NYAP2: variants seen among roughly 807,000 people sequenced by gnomAD.
The protein encoded by NYAP2 is neuronal tyrosine-phosphorylated phosphoinositide-3-kinase adaptor 2, also known as neuronal tyrosine-phosphorylated phosphoinositide-3-kinase adapter 2.
In NYAP2, 23 loss-of-function variants were observed where a neutral mutation model predicts 50.4. The observed-to-expected ratio is 0.46, with a 90% CI of 0.33 to 0.65. The LOEUF (loss-of-function observed/expected upper bound fraction) is 0.65, where lower values mean the gene tolerates loss of function less well. Ranked by LOEUF, NYAP2 falls within the 30% of genes least tolerant of loss-of-function variation. NYAP2 has a pLI of 0.02. For synonymous variants in NYAP2, 394 were observed against 365.2 expected, an observed-to-expected ratio of 1.08 and a Z score of -0.90; for missense variants, 885 against 861.0, an observed-to-expected ratio of 1.03 and a Z score of -0.35.
At chr2:225,486,281 G>T in intron 3 of NYAP2, among the ~76,000 whole-genome samples, 1 of 152,202 alleles carries the variant, frequency 6.6e-6, no homozygotes, top group African/African-American at 2.4e-5. Flanking sequence ...GTAAAACCAA[G>T]AGGGTATTCA....
At chr2:225,511,662 T>G (rs1416458452) in intron 3 of NYAP2, among the ~76,000 whole-genome samples, 1 of 152,336 alleles carries the variant, frequency 6.6e-6, no homozygotes, top group Admixed American at 6.5e-5. Context: ...ATCAAGAATC[T>G]AATGTTCTTG....
chr2:225,589,967 C>T (rs900300924), intron 5 of NYAP2, among the ~76,000 whole-genome samples: 11 of 152,062 alleles, frequency 7.2e-5, no homozygotes, highest in African/African-American at 2.7e-4. Context: ...CTTGGAGCAA[C>T]CTGACCGGAG....
At chr2:225,594,449 G>A (rs1010945385) in intron 5 of NYAP2, among the ~76,000 whole-genome samples, 3 of 152,024 alleles carry the variant, frequency 2.0e-5, no homozygotes, top group East Asian at 1.9e-4. Context: ...ACTTAAACCC[G>A]GGGGCAGAGG....
intron 4 of NYAP2, among the ~76,000 whole-genome samples, chr2:225,553,214 C>T (rs527431845): frequency 6.6e-6 from 1 of 152,304 alleles, no homozygotes; most frequent in South Asian, 2.1e-4. Flanking sequence ...ACTAGAAGAA[C>T]CTGGAAACTG....
chr2:225,474,796 C>A (rs970578422), intron 3 of NYAP2, among the ~76,000 whole-genome samples: 1 of 152,194 alleles, frequency 6.6e-6, no homozygotes. Context: ...ATTGAATACC[C>A]TTTATTTCTT....
intron 3 of NYAP2, among the ~76,000 whole-genome samples, chr2:225,512,881 C>T (rs62188686): frequency 5.1e-5 from 7 of 136,410 alleles, no homozygotes; most frequent in East Asian, 2.1e-4. Flanking sequence ...TCCTTCCTTC[C>T]TTCCTTCCTT....
intron 3 of NYAP2, among the ~76,000 whole-genome samples, chr2:225,473,395 C>T (rs1306108822): frequency 6.6e-6 from 1 of 152,336 alleles, no homozygotes; most frequent in East Asian, 1.9e-4. Context: ...CTGTCTTCCA[C>T]AATGGTTGAA....
chr2:225,401,645 G>C (rs924744103), intron 2 of NYAP2, among the ~76,000 whole-genome samples: 2 of 151,986 alleles, frequency 1.3e-5, no homozygotes, highest in Non-Finnish European at 2.9e-5. Context: ...TAAAACTTTA[G>C]GTGGACTTGT....
At chr2:225,669,857 TTAAA>T in the NYAP2 span, among the ~76,000 whole-genome samples, 6 of 152,122 alleles carry the variant, frequency 3.9e-5, no homozygotes, top group Non-Finnish European at 7.3e-5. Context: ...GGCAAGAAGG[TTAAA>T]TAAATAGATA....
chr2:225,545,461 G>T (rs555602166), intron 4 of NYAP2, among the ~76,000 whole-genome samples: 1 of 151,862 alleles, frequency 6.6e-6, no homozygotes, highest in African/African-American at 2.4e-5. Context: ...GATCAATTCT[G>T]CTATTAAGTG....
intron 3 of NYAP2, among the ~76,000 whole-genome samples, chr2:225,441,028 T>A (rs1159369006): frequency 2.0e-5 from 3 of 152,168 alleles, no homozygotes; most frequent in Admixed American, 1.3e-4. Flanking sequence ...TACATTACCA[T>A]CTAACCATAA....
At chr2:225,601,102 G>A (rs948173724) in intron 5 of NYAP2, among the ~76,000 whole-genome samples, 70 of 151,342 alleles carry the variant, frequency 4.6e-4, no homozygotes, top group African/African-American at 1.7e-3. Flanking sequence ...TGAATCATGT[G>A]GGTAGTAATT....
intron 3 of NYAP2, among the ~76,000 whole-genome samples, chr2:225,450,838 T>C (rs1266829421): frequency 6.6e-6 from 1 of 152,208 alleles, no homozygotes; most frequent in Non-Finnish European, 1.5e-5. Flanking sequence ...AAAGTATGTC[T>C]TGCTTCACAG....
chr2:225,435,217 A>G (rs897521571), intron 3 of NYAP2, among the ~76,000 whole-genome samples: 10 of 152,216 alleles, frequency 6.6e-5, no homozygotes, highest in Non-Finnish European at 1.5e-4. Context: ...ATAAGCATAG[A>G]AAGTAAATTA....
intron 6 of NYAP2, among the ~76,000 whole-genome samples, chr2:225,635,526 CCT>C (rs1319474691): frequency 6.6e-5 from 10 of 152,128 alleles, no homozygotes; most frequent in African/African-American, 2.2e-4. Context: ...TGGAAAAATA[CCT>C]GTCTTTTTCT....
chr2:225,611,599 T>TA (rs201285163), intron 5 of NYAP2, among the ~76,000 whole-genome samples: 1,993 of 151,884 alleles, frequency 0.013, 62 homozygotes, highest in African/African-American at 0.046. Flanking sequence ...CTTCCCTCCT[T>TA]AAAAAAAATC....
chr2:225,510,798 TG>T (rs1690797766), intron 3 of NYAP2, among the ~76,000 whole-genome samples: 1 of 152,036 alleles, frequency 6.6e-6, no homozygotes, highest in African/African-American at 2.4e-5. Context: ...TGTGTGTGTG[TG>T]TGTGTGTAAA....
the NYAP2 span, among the ~76,000 whole-genome samples, chr2:225,666,395 G>C: frequency 6.6e-6 from 1 of 152,176 alleles, no homozygotes; most frequent in African/African-American, 2.4e-5. Flanking sequence ...ACAGCCCTCA[G>C]GGGTCCTGAG....
At chr2:225,650,729 A>G (rs139167405) in intron 6 of NYAP2, among the ~76,000 whole-genome samples, 3 of 152,318 alleles carry the variant, frequency 2.0e-5, no homozygotes, top group African/African-American at 7.2e-5. Flanking sequence ...ATCTTCAAAT[A>G]TGTCTTTAAA....
Sources: allele counts gnomAD v4.1 joint callset (sites outside exome capture counted in the v4.1 genomes callset), GRCh38; gene constraint gnomAD v4.1.1; transcripts MANE v1.5; gene names NCBI Gene and HGNC (gene_info 2026-07-23, HGNC 2026-07-21).